FNBP1L: variants seen among roughly 807,000 people sequenced by gnomAD.
FNBP1L encodes formin binding protein 1 like.
FNBP1L carries 36 observed loss-of-function variants against 91.2 expected under a neutral mutation model. The ratio of observed to expected loss-of-function variants is 0.39; its 90% CI spans 0.30 to 0.52. The LOEUF is 0.52. Ranked by LOEUF, FNBP1L falls within the 20% of genes least tolerant of loss-of-function variation. FNBP1L has a pLI of 0.66. For synonymous variants in FNBP1L, 242 were observed against 237.0 expected (o/e 1.02, Z -0.19); for missense variants, 571 against 732.1 (o/e 0.78, Z 2.54).
intron 10 of FNBP1L, among the ~76,000 whole-genome samples, chr1:93,539,012 G>A (rs907444573): frequency 1.3e-5 from 2 of 151,972 alleles, no homozygotes; most frequent in Non-Finnish European, 1.5e-5. Context: ...AGTTCTAACC[G>A]TTAATGGATA....
chr1:93,521,647 T>C (rs957801949), intron 2 of FNBP1L, among the ~76,000 whole-genome samples: 2 of 152,250 alleles, frequency 1.3e-5, no homozygotes, highest in Non-Finnish European at 2.9e-5. Context: ...ATGTAAATAC[T>C]TGTTAGGCTC....
chr1:93,514,770 A>T (rs529118033), intron 2 of FNBP1L, among the ~76,000 whole-genome samples: 1 of 151,966 alleles, frequency 6.6e-6, no homozygotes, highest in East Asian at 1.9e-4. Context: ...AATCAATTCA[A>T]GATGGATTAA....
chr1:93,512,725 G>A (rs1464629387), intron 2 of FNBP1L, among the ~76,000 whole-genome samples: 3 of 151,690 alleles, frequency 2.0e-5, no homozygotes, highest in Non-Finnish European at 4.4e-5. Context: ...TGAAACCAAC[G>A]AGAACAAAGA....
At chr1:93,515,590 A>C (rs1671066565) in intron 2 of FNBP1L, among the ~76,000 whole-genome samples, 1 of 152,120 alleles carries the variant, frequency 6.6e-6, no homozygotes, top group Non-Finnish European at 1.5e-5. Flanking sequence ...TAGCCATAAA[A>C]AATGATGAGT....
intron 1 of FNBP1L, among the ~76,000 whole-genome samples, chr1:93,485,272 A>T (rs951644795): frequency 6.6e-6 from 1 of 152,174 alleles, no homozygotes; most frequent in African/African-American, 2.4e-5. Context: ...GATAGAGCTT[A>T]CTTCACACAA....
intron 2 of FNBP1L, among the ~76,000 whole-genome samples, chr1:93,521,867 A>G (rs1671339002): frequency 6.6e-6 from 1 of 152,202 alleles, no homozygotes; most frequent in Non-Finnish European, 1.5e-5. Context: ...ATGAAAATAC[A>G]GAAATAACCT....
intron 1 of FNBP1L, among the ~76,000 whole-genome samples, chr1:93,451,934 G>A (rs906619634): frequency 3.3e-5 from 5 of 152,296 alleles, no homozygotes; most frequent in African/African-American, 1.2e-4. Context: ...ACAGGCGTGA[G>A]CCACCGTGCC....
chr1:93,482,519 TTGAAA>T (rs1355166260), intron 1 of FNBP1L, among the ~76,000 whole-genome samples: 4 of 152,218 alleles, frequency 2.6e-5, no homozygotes, highest in Admixed American at 6.5e-5. Context: ...AGAATCGTTC[TTGAAA>T]TGAAGTTATT....
At chr1:93,510,207 T>A (rs1324891396) in intron 2 of FNBP1L, among the ~76,000 whole-genome samples, 2 of 152,240 alleles carry the variant, frequency 1.3e-5, no homozygotes, top group Non-Finnish European at 2.9e-5. Context: ...TAAAAGTCCC[T>A]GTCTGACAGC....
At chr1:93,455,258 T>A (rs1668622035) in intron 1 of FNBP1L, among the ~76,000 whole-genome samples, 4 of 152,180 alleles carry the variant, frequency 2.6e-5, no homozygotes. Context: ...AGTGGCACAG[T>A]CATAGCTCAC....
chr1:93,476,852 T>A (rs1669514667), intron 1 of FNBP1L, among the ~76,000 whole-genome samples: 1 of 152,206 alleles, frequency 6.6e-6, no homozygotes, highest in Non-Finnish European at 1.5e-5. Flanking sequence ...CTGAAGTTGA[T>A]AAGGTGACCA....
At chr1:93,456,057 C>T (rs980566609) in intron 1 of FNBP1L, among the ~76,000 whole-genome samples, 3 of 152,160 alleles carry the variant, frequency 2.0e-5, no homozygotes, top group African/African-American at 7.2e-5. Flanking sequence ...CGCTTGAGCC[C>T]AGGAATGAGT....
chr1:93,542,776 C>CTTTTTTTTTT (rs34922906), intron 11 of FNBP1L, among the ~76,000 whole-genome samples: 2 of 125,586 alleles, frequency 1.6e-5, no homozygotes, highest in African/African-American at 3.1e-5. Context: ...TTTTCTTTAC[C>CTTTTTTTTTT]TTTTTTTTTT....
intron 1 of FNBP1L, among the ~76,000 whole-genome samples, chr1:93,454,974 G>A (rs1289129289): frequency 6.6e-6 from 1 of 152,082 alleles, no homozygotes; most frequent in African/African-American, 2.4e-5. Flanking sequence ...TGTCGCCCAG[G>A]CTGGAGTGCA....
At chr1:93,526,031 G>T (rs1157777010) in intron 5 of FNBP1L, among the ~76,000 whole-genome samples, 1 of 152,094 alleles carries the variant, frequency 6.6e-6, no homozygotes, top group Non-Finnish European at 1.5e-5. Flanking sequence ...GTAAAGAACT[G>T]GTGGACAGGT....
At chr1:93,520,138 CTTGTCTCCTT>C (rs1671273532) in intron 2 of FNBP1L, among the ~76,000 whole-genome samples, 1 of 152,110 alleles carries the variant, frequency 6.6e-6, no homozygotes, top group Admixed American at 6.5e-5. Context: ...TTGGTATATA[CTTGTCTCCTT>C]TCAATAGAGT....
intron 1 of FNBP1L, among the ~76,000 whole-genome samples, chr1:93,451,765 C>T (rs1252810340): frequency 2.6e-5 from 4 of 152,088 alleles, no homozygotes; most frequent in South Asian, 2.1e-4. Context: ...CATTCTCCCA[C>T]CTCAGCCCCC....
intron 12 of FNBP1L, 76 bp downstream of exon 12, chr1:93,544,292 C>T (rs1672144508): frequency 2.2e-6 from 2 of 929,248 alleles, no homozygotes; most frequent in East Asian, 5.7e-5. Flanking sequence ...ATGTGATATA[C>T]AGAAGGTTTA....
rs61754552 is a variant in FNBP1L at position 93,551,044 on chromosome 1, C to T, written c.1749C>T (p.Asn583=). The change falls in exon 16 of 17, where the codon AAC becomes AAT. Residue 583 remains asparagine (N), a synonymous_variant. Coordinates refer to ENST00000271234, the MANE Select transcript of FNBP1L (RefSeq NM_001164473.3). Reference sequence around the variant, plus strand: ...GATGGACAAGAGCTCGGAGACAGAACGGTGAAGAAGGCTACGTTCCCACGT... The same window carrying T: ...GATGGACAAGAGCTCGGAGACAGAATGGTGAAGAAGGCTACGTTCCCACGT... The part of the protein sequence containing the change: ...GDGWTRARRQ[N]GEEGYVPTSY... 1,652 of 1,612,582 alleles carry T rather than the reference C, an allele frequency of 1.0e-3. 17 individuals are homozygous for T. In the African/African-American group the frequency reaches 0.019, roughly 18 times the overall value.
Sources: allele counts gnomAD v4.1 joint callset (sites outside exome capture counted in the v4.1 genomes callset), GRCh38; gene constraint gnomAD v4.1.1; transcripts MANE v1.5; gene names NCBI Gene and HGNC (gene_info 2026-07-23, HGNC 2026-07-21).